TBC1D12: variants seen among roughly 807,000 people sequenced by gnomAD.
TBC1D12 encodes TBC1 domain family, member 12.
In TBC1D12, 56 loss-of-function variants were observed where a neutral mutation model predicts 86.7. The ratio of observed to expected loss-of-function variants is 0.65; its 90% CI spans 0.52 to 0.81. TBC1D12 has a LOEUF of 0.81. Ranked by LOEUF, TBC1D12 falls within the 30% of genes least tolerant of loss-of-function variation. The pLI is 0.00. For missense variants in TBC1D12, 1,023 were observed against 1,038.8 expected, an observed-to-expected ratio of 0.98 and a Z score of 0.21; for synonymous variants, 421 against 411.7, an observed-to-expected ratio of 1.02 and a Z score of -0.27.
intron 11 of TBC1D12, among the ~76,000 whole-genome samples, chr10:94,524,693 C>T (rs537548041): frequency 9.8e-4 from 144 of 146,366 alleles, no homozygotes; most frequent in African/African-American, 2.9e-3. Flanking sequence ...GAGTCGAGAT[C>T]GCGCCACAGC....
chr10:94,450,974 C>T (rs1334622218), intron 2 of TBC1D12, among the ~76,000 whole-genome samples: 7 of 152,002 alleles, frequency 4.6e-5, no homozygotes, highest in African/African-American at 1.7e-4. Flanking sequence ...AAGTTGATCT[C>T]ATAGGAGTAA....
chr10:94,467,034 G>A (rs959497243), intron 2 of TBC1D12, among the ~76,000 whole-genome samples: 1 of 151,770 alleles, frequency 6.6e-6, no homozygotes, highest in Non-Finnish European at 1.5e-5. Flanking sequence ...TGGGTTTATG[G>A]TTTTCTGGGA....
chr10:94,512,750 G>C lies in TBC1D12; in HGVS notation c.1761+1096G>C, dbSNP rs540501419. Among the ~76,000 whole-genome samples the C allele has an allele frequency of 2.0e-5, 3 of 152,300 alleles. No homozygotes were observed. The East Asian group carries it at 5.8e-4, about 29-fold the overall frequency. ...GTTGTAGTATTTGAAAAGATCGTAA[G>C]ATAGTCCTTATAGAGAAAGTTAGAT... On this transcript the variant is annotated intron_variant, in intron 9 of 12. Transcript: ENST00000225235.
intron 1 of TBC1D12, among the ~76,000 whole-genome samples, chr10:94,410,081 T>C (rs2054910784): frequency 6.6e-6 from 1 of 152,220 alleles, no homozygotes; most frequent in African/African-American, 2.4e-5. Flanking sequence ...ATCTTTTAAG[T>C]GGAAGGAACT....
chr10:94,530,333 G>A (rs750936359), intron 11 of TBC1D12, among the ~76,000 whole-genome samples: 14 of 152,146 alleles, frequency 9.2e-5, no homozygotes, highest in Non-Finnish European at 1.8e-4. Flanking sequence ...GATTCTATTG[G>A]AAGGTATACA....
At chr10:94,467,049 TATC>T (rs756763125) in intron 2 of TBC1D12, among the ~76,000 whole-genome samples, 3 of 152,118 alleles carry the variant, frequency 2.0e-5, no homozygotes, top group African/African-American at 2.4e-5. Flanking sequence ...CTGGGAGAAA[TATC>T]ATGGAGATAA....
chr10:94,470,941 ACTT>A (rs1010174677), intron 2 of TBC1D12, among the ~76,000 whole-genome samples: 1 of 151,930 alleles, frequency 6.6e-6, no homozygotes, highest in African/African-American at 2.4e-5. Context: ...CTAGAATACA[ACTT>A]CTTATGTGAA....
intron 5 of TBC1D12, 140 bp from the exon 6 acceptor site, chr10:94,500,081 G>T (rs147706146): frequency 1.5e-5 from 10 of 680,692 alleles, no homozygotes; most frequent in African/African-American, 1.1e-4. Flanking sequence ...GCAAAGAAAA[G>T]AATGCATTAC....
intron 3 of TBC1D12, among the ~76,000 whole-genome samples, chr10:94,480,194 G>A (rs1230787557): frequency 6.6e-6 from 1 of 152,188 alleles, no homozygotes; most frequent in East Asian, 1.9e-4. Flanking sequence ...CCTGGTAAAA[G>A]GCTGTAAGCC....
At chr10:94,520,426 C>A (rs1053680235) in intron 9 of TBC1D12, among the ~76,000 whole-genome samples, 1 of 152,074 alleles carries the variant, frequency 6.6e-6, no homozygotes, top group African/African-American at 2.4e-5. Context: ...TGGCACATGC[C>A]TGTAATCCCA....
intron 2 of TBC1D12, among the ~76,000 whole-genome samples, chr10:94,450,508 C>G (rs2055534184): frequency 6.6e-6 from 1 of 151,958 alleles, no homozygotes; most frequent in Non-Finnish European, 1.5e-5. Flanking sequence ...ATGGTGAAGG[C>G]TCATTAGCCA....
At chr10:94,443,363 A>T (rs1361979747) in intron 2 of TBC1D12, among the ~76,000 whole-genome samples, 1 of 152,178 alleles carries the variant, frequency 6.6e-6, no homozygotes, top group Non-Finnish European at 1.5e-5. Context: ...GGCTGTCTTC[A>T]AACTCCTGGG....
intron 2 of TBC1D12, among the ~76,000 whole-genome samples, chr10:94,457,382 A>G (rs2134114755): frequency 1.3e-5 from 2 of 152,052 alleles, no homozygotes; most frequent in East Asian, 3.9e-4. Flanking sequence ...TTTGTAATAC[A>G]CTTTGGCAGT....
At chr10:94,477,464 A>G (rs2056008409) in intron 3 of TBC1D12, among the ~76,000 whole-genome samples, 1 of 152,248 alleles carries the variant, frequency 6.6e-6, no homozygotes, top group Non-Finnish European at 1.5e-5. Flanking sequence ...TTTATTGAGT[A>G]TAAAACCAGC....
chr10:94,526,006 A>G (rs1842278717), intron 11 of TBC1D12, among the ~76,000 whole-genome samples: 1 of 152,178 alleles, frequency 6.6e-6, no homozygotes. Flanking sequence ...GTTACCCTAC[A>G]GTGCTATAGA....
intron 2 of TBC1D12, among the ~76,000 whole-genome samples, chr10:94,463,959 T>C (rs1177353681): frequency 2.0e-5 from 3 of 152,170 alleles, no homozygotes; most frequent in South Asian, 4.1e-4. Context: ...TTTTGAAGCT[T>C]TGTTTTGAAG....
intron 5 of TBC1D12, among the ~76,000 whole-genome samples, chr10:94,497,415 C>A (rs2134183374): frequency 6.6e-6 from 1 of 151,982 alleles, no homozygotes; most frequent in South Asian, 2.1e-4. Context: ...TTAATTAATG[C>A]CTGAAAATTT....
intron 1 of TBC1D12, among the ~76,000 whole-genome samples, chr10:94,414,224 T>C (rs1000370811): frequency 6.6e-6 from 1 of 152,216 alleles, no homozygotes; most frequent in Non-Finnish European, 1.5e-5. Flanking sequence ...GAAAGTATGG[T>C]AAAGATAATA....
intron 1 of TBC1D12, among the ~76,000 whole-genome samples, chr10:94,437,547 C>T (rs932667036): frequency 6.6e-6 from 1 of 152,022 alleles, no homozygotes; most frequent in Admixed American, 6.6e-5. Flanking sequence ...AGGAAGGTCT[C>T]GATTTCCTGA....
Sources: gnomAD v4.1 joint callset for allele counts (sites outside exome capture counted in the v4.1 genomes callset) on GRCh38, gnomAD v4.1.1 for gene constraint, MANE v1.5 for transcripts, NCBI Gene and HGNC (gene_info 2026-07-23, HGNC 2026-07-21) for gene names.